The following STAG1 variants were observed in gnomAD, a reference collection of about 807,000 sequenced individuals.
STAG1 encodes the protein cohesin subunit SA-1.
A neutral mutation model predicts 170.9 loss-of-function variants in STAG1; 26 were observed. That is an observed-to-expected ratio of 0.15 (90% CI 0.11 to 0.21). STAG1 has a LOEUF of 0.21. STAG1 is among the 10% of genes least tolerant of loss of function. The pLI is 1.00. For synonymous variants in STAG1, 514 were observed against 497.7 expected, an observed-to-expected ratio of 1.03 and a Z score of -0.44; for missense variants, 964 against 1,509.5, an observed-to-expected ratio of 0.64 and a Z score of 5.99.
Position 136,452,883 on chromosome 3 carries a change from G to A in STAG1, c.1314-736C>T, listed in dbSNP as rs181126443. Among the ~76,000 whole-genome samples the A allele has an allele frequency of 1.9e-3, 294 of 151,994 alleles. 7 individuals carry two copies. The East Asian group carries it at 0.046, about 24-fold the overall frequency. On this transcript the variant is annotated intron_variant, in intron 13 of 33. Coordinates refer to ENST00000383202, the MANE Select transcript of STAG1 (RefSeq NM_005862.3). ...CGGCTCACTGCAACCTCTGCCTCTC[G>A]GGTTCAAGCAATTCTCCTGCCTCAG... is the stretch of plus-strand genomic sequence containing the variant.
At chr3:136,490,712 T>C (rs1034284283) in intron 9 of STAG1, among the ~76,000 whole-genome samples, 4 of 152,204 alleles carry the variant, frequency 2.6e-5, no homozygotes, top group African/African-American at 9.6e-5. Flanking sequence ...AAATCTATTA[T>C]GGTATTGTAT....
intron 21 of STAG1, among the ~76,000 whole-genome samples, chr3:136,402,083 C>T (rs1423305199): frequency 2.6e-5 from 4 of 152,044 alleles, no homozygotes; most frequent in Admixed American, 2.0e-4. Context: ...TCTTGTGTCA[C>T]TATGATCTTC....
chr3:136,611,932 C>T (rs909204122), intron 3 of STAG1, among the ~76,000 whole-genome samples: 1 of 151,942 alleles, frequency 6.6e-6, no homozygotes, highest in Non-Finnish European at 1.5e-5. Context: ...ACCGCAAGCT[C>T]CGCCTCCTGG....
At chr3:136,517,472 A>C (rs921364570) in intron 7 of STAG1, among the ~76,000 whole-genome samples, 6 of 152,174 alleles carry the variant, frequency 3.9e-5, no homozygotes, top group African/African-American at 7.2e-5. Flanking sequence ...TGAAGTCAAC[A>C]AGTTGTAAAG....
intron 15 of STAG1, among the ~76,000 whole-genome samples, chr3:136,441,869 A>G (rs2088642109): frequency 6.6e-6 from 1 of 152,190 alleles, no homozygotes; most frequent in Non-Finnish European, 1.5e-5. Context: ...GGACATAAGT[A>G]AAAAGAGAGA....
At chr3:136,490,681 GAAT>G (rs1382888252) in intron 9 of STAG1, among the ~76,000 whole-genome samples, 1 of 152,120 alleles carries the variant, frequency 6.6e-6, no homozygotes, top group Non-Finnish European at 1.5e-5. Flanking sequence ...TAAAATAATG[GAAT>G]AATAGTTTGT....
At chr3:136,664,247 T>C (rs542640793) in intron 1 of STAG1, among the ~76,000 whole-genome samples, 20 of 152,334 alleles carry the variant, frequency 1.3e-4, no homozygotes, top group African/African-American at 4.1e-4. Flanking sequence ...TCTTTAGTTA[T>C]AGATTTACAA....
At chr3:136,634,265 G>A (rs1039245471) in intron 1 of STAG1, among the ~76,000 whole-genome samples, 2 of 151,952 alleles carry the variant, frequency 1.3e-5, no homozygotes, top group Non-Finnish European at 2.9e-5. Context: ...GCTGAGGTGG[G>A]AGGATCACTT....
rs189893854 is a variant in STAG1, at chr3:136,658,480, A to G, written c.-83-27499T>C. 7.2e-5 allele frequency among the ~76,000 whole-genome samples: 11 copies of G among 152,222 alleles called. No individual in the cohort carries two copies. In the South Asian group the frequency reaches 1.7e-3, roughly 23 times the overall value. On this transcript the variant is annotated intron_variant, in intron 1 of 33. Coordinates refer to ENST00000383202, the MANE Select transcript of STAG1 (RefSeq NM_005862.3). ...TGCTTGCAAAACCAAAAAACCAAAT[A>G]TAACTATACACCAGCATAGCTGTAA...
intron 4 of STAG1, among the ~76,000 whole-genome samples, chr3:136,573,918 C>T (rs758045511): frequency 6.6e-6 from 1 of 151,940 alleles, no homozygotes; most frequent in Non-Finnish European, 1.5e-5. Flanking sequence ...TTGCAGTGAG[C>T]GGAGATCGCG....
rs151141625 is a variant in STAG1, at chr3:136,675,489, A to G, written c.-83-44508T>C. ...AGCAAGTGCAGTCTGGTTTTCTGTT[A>G]TCTAATGCCAAATTCAACCCTAACT... On this transcript the variant is annotated intron_variant, in intron 1 of 33. Coordinates refer to ENST00000383202, the MANE Select transcript of STAG1 (RefSeq NM_005862.3). 7.2e-4 allele frequency among the ~76,000 whole-genome samples: 110 copies of G among 152,326 alleles called. 1 individual carries two copies. Among genetic ancestry groups the G allele is most frequent in the Admixed American group, 6.1e-3 (94 of 15,306 alleles).
chr3:136,388,060 C>T (rs997879698), intron 22 of STAG1, among the ~76,000 whole-genome samples: 1 of 152,172 alleles, frequency 6.6e-6, no homozygotes, highest in Non-Finnish European at 1.5e-5. Flanking sequence ...TTCAATAGTT[C>T]ATTTTGGTTT....
chr3:136,502,046 TG>T (rs1180377311), intron 8 of STAG1, among the ~76,000 whole-genome samples: 1 of 151,364 alleles, frequency 6.6e-6, no homozygotes. Flanking sequence ...CCAGGAGTGG[TG>T]GCACATGCCT....
chr3:136,751,403 A>C (rs1935229181), intron 1 of STAG1, among the ~76,000 whole-genome samples: 1 of 151,742 alleles, frequency 6.6e-6, no homozygotes, highest in Non-Finnish European at 1.5e-5. Flanking sequence ...AACTCCAAGC[A>C]CTCTAGTTTC....
chr3:136,724,600 TA>T (rs58430366), intron 1 of STAG1, among the ~76,000 whole-genome samples: 1,393 of 104,628 alleles, frequency 0.013, 21 homozygotes, highest in East Asian at 0.035. Context: ...GAATGATCAA[TA>T]AAAAAAAAAA....
intron 22 of STAG1, among the ~76,000 whole-genome samples, chr3:136,397,590 A>C (rs1204410337): frequency 6.6e-6 from 1 of 152,066 alleles, no homozygotes; most frequent in Non-Finnish European, 1.5e-5. Context: ...TTTTCCTTAT[A>C]ATCCCCCAGC....
At chr3:136,556,172 G>A (rs879297400) in intron 5 of STAG1, among the ~76,000 whole-genome samples, 1 of 152,122 alleles carries the variant, frequency 6.6e-6, no homozygotes, top group Non-Finnish European at 1.5e-5. Context: ...TTTAAATGCT[G>A]AAAGTTCAGA....
chr3:136,643,229 T>C (rs1216550519), intron 1 of STAG1, among the ~76,000 whole-genome samples: 2 of 152,206 alleles, frequency 1.3e-5, no homozygotes, highest in Non-Finnish European at 2.9e-5. Flanking sequence ...TTTTAAGAAA[T>C]GTTTACGAAG....
chr3:136,369,208 C>A lies in STAG1; in HGVS notation c.2445G>T (p.Gln815His), dbSNP rs549716315. The A allele has an allele frequency of 1.2e-6, 2 of 1,605,270 alleles. No individual in the cohort carries two copies. The highest frequency in any genetic ancestry group is 2.2e-5 in the South Asian group (2 of 89,284). Reference sequence around the variant, plus strand: ...CAGTATCTGGATTGAACACCAAAGGCTGAAGGCCCTCTCTGCCACCTGTCA... The same window carrying A: ...CAGTATCTGGATTGAACACCAAAGGATGAAGGCCCTCTCTGCCACCTGTCA... ...QLMTGGREGL[Q>H]PLVFNPDTGL... is the part of the protein sequence containing the mutation. The change falls in exon 24 of 34, where the codon CAG (glutamine) becomes CAT (histidine). Residue 815 changes from glutamine (Q) to histidine (H), a missense_variant. Gln to His is a conservative substitution (Grantham distance 24, BLOSUM62 0). Transcript: ENST00000383202.
Sources: allele counts gnomAD v4.1 joint callset (sites outside exome capture counted in the v4.1 genomes callset), GRCh38; gene constraint gnomAD v4.1.1; transcripts MANE v1.5; gene names NCBI Gene and HGNC (gene_info 2026-07-23, HGNC 2026-07-21).